SDK1: variants seen among roughly 807,000 people sequenced by gnomAD.
SDK1 encodes the protein protein sidekick-1.
SDK1 carries 157 observed loss-of-function variants against 245.5 expected under a neutral mutation model. The ratio of observed to expected loss-of-function variants is 0.64; its 90% CI spans 0.56 to 0.73. SDK1 has a LOEUF of 0.73. SDK1 is among the 30% of genes least tolerant of loss of function. The probability of loss-of-function intolerance (pLI) is 0.00; values close to 1 mark genes in which losing one functional copy is unlikely to be tolerated. For synonymous variants in SDK1, 1,647 were observed against 1,278.5 expected, an observed-to-expected ratio of 1.29 and a Z score of -6.15; for missense variants, 3,583 against 3,002.3, an observed-to-expected ratio of 1.19 and a Z score of -4.52.
chr7:3,825,318 T>TACA (rs1779743151), intron 5 of SDK1, among the ~76,000 whole-genome samples: 3 of 71,372 alleles, frequency 4.2e-5, no homozygotes, highest in Non-Finnish European at 8.8e-5. Context: ...TTTCTTCCTC[T>TACA]AAAAAAAAAA....
At chr7:3,440,460 T>C (rs907899270) in intron 1 of SDK1, among the ~76,000 whole-genome samples, 8 of 141,082 alleles carry the variant, frequency 5.7e-5, no homozygotes, top group African/African-American at 2.0e-4. Flanking sequence ...GTGTGACCAT[T>C]AGACTCAGTT....
intron 20 of SDK1, among the ~76,000 whole-genome samples, chr7:4,074,876 C>CTGTG (rs1406364305): frequency 3.2e-5 from 3 of 93,914 alleles, no homozygotes; most frequent in African/African-American, 2.1e-4. Context: ...CTCTCTCTCT[C>CTGTG]TCTCTCTCTG....
chr7:3,574,186 G>A (rs908437917), intron 1 of SDK1, among the ~76,000 whole-genome samples: 2 of 150,642 alleles, frequency 1.3e-5, no homozygotes, highest in Non-Finnish European at 3.0e-5. Context: ...GCACAATCTC[G>A]GCTCACTGCA....
rs546594423 is a variant in SDK1, at chr7:3,891,507, G to A, written c.848-59416G>A. On this transcript the variant is annotated intron_variant, in intron 5 of 44. Transcript: ENST00000404826. Reference sequence around the variant, plus strand: ...TAATCCAGCCGAAAGTGTAGTTATCGATTTGTCCCTTTTGAAGCTGTCCTG... The same window carrying A: ...TAATCCAGCCGAAAGTGTAGTTATCAATTTGTCCCTTTTGAAGCTGTCCTG... 4.6e-5 allele frequency among the ~76,000 whole-genome samples: 7 copies of A among 152,256 alleles called. No homozygotes were observed. The South Asian group carries it at 8.3e-4, about 18-fold the overall frequency.
chr7:3,592,642 C>A (rs1291200213), intron 1 of SDK1, among the ~76,000 whole-genome samples: 1 of 152,136 alleles, frequency 6.6e-6, no homozygotes, highest in African/African-American at 2.4e-5. Context: ...CTAACTGCTA[C>A]CAGACATTCG....
Position 4,241,846 on chromosome 7 carries a change from G to A in SDK1, c.6184G>A (p.Ala2062Thr), listed in dbSNP as rs1340469871. 3 of 1,614,022 alleles carry A rather than the reference G, an allele frequency of 1.9e-6. No homozygotes were observed. Among genetic ancestry groups the A allele is most frequent in the East Asian group, 4.5e-5 (2 of 44,884 alleles). Residue 2062 changes from alanine to threonine, a missense_variant, in exon 43 of 45, where the codon GCT (alanine) becomes ACT (threonine). Coordinates refer to ENST00000404826, the MANE Select transcript of SDK1 (RefSeq NM_152744.4). ...ESVTLDNGGF[A>T]ALELSSRHLN... ...TGTGACCCTGGACAACGGAGGATTT[G>A]CTGCCCTGGAGCTCAGCAGCCGCCA...
chr7:3,466,577 T>C (rs1309539594), intron 1 of SDK1, among the ~76,000 whole-genome samples: 5 of 151,038 alleles, frequency 3.3e-5, no homozygotes, highest in Non-Finnish European at 5.9e-5. Flanking sequence ...TCATCCACTC[T>C]TATCTCGATA....
chr7:4,165,430 T>C (rs1413193889), intron 32 of SDK1, among the ~76,000 whole-genome samples: 8 of 152,202 alleles, frequency 5.3e-5, no homozygotes, highest in Non-Finnish European at 1.2e-4. Context: ...CCTCCCTTAG[T>C]AGACTGTCAG....
At chr7:3,563,113 T>C (rs972388613) in intron 1 of SDK1, among the ~76,000 whole-genome samples, 2 of 151,982 alleles carry the variant, frequency 1.3e-5, no homozygotes, top group East Asian at 1.9e-4. Context: ...TGGGGAGACA[T>C]TGTGAAAATG....
intron 4 of SDK1, among the ~76,000 whole-genome samples, chr7:3,689,086 G>C (rs149447106): frequency 1.3e-5 from 2 of 152,178 alleles, no homozygotes; most frequent in Non-Finnish European, 2.9e-5. Context: ...GGTTTTTCCA[G>C]TTCTACATGT....
intron 5 of SDK1, among the ~76,000 whole-genome samples, chr7:3,889,059 G>A (rs1781398227): frequency 6.6e-6 from 1 of 152,130 alleles, no homozygotes; most frequent in African/African-American, 2.4e-5. Context: ...AATCAACCGT[G>A]GCTCTTGCTT....
At chr7:3,569,506 C>G (rs1299293091) in intron 1 of SDK1, among the ~76,000 whole-genome samples, 4 of 152,256 alleles carry the variant, frequency 2.6e-5, no homozygotes, top group Non-Finnish European at 5.9e-5. Context: ...CTCTGCACTT[C>G]ACGGCCCCTC....
chr7:3,728,362 A>G (rs933796960), intron 4 of SDK1, among the ~76,000 whole-genome samples: 6 of 152,260 alleles, frequency 3.9e-5, no homozygotes, highest in Non-Finnish European at 5.9e-5. Flanking sequence ...ATGTTTCACC[A>G]CAGACATAAT....
intron 4 of SDK1, among the ~76,000 whole-genome samples, chr7:3,686,528 C>T (rs768095431): frequency 6.6e-5 from 10 of 152,282 alleles, no homozygotes; most frequent in Non-Finnish European, 1.2e-4. Context: ...ACATACATTG[C>T]CAGTGATAAT....
chr7:4,249,119 G>A (rs1787125679), intron 44 of SDK1, among the ~76,000 whole-genome samples: 1 of 152,140 alleles, frequency 6.6e-6, no homozygotes, highest in African/African-American at 2.4e-5. Flanking sequence ...GGAGGTGAGT[G>A]TGGGGATAGG....
Position 3,615,104 on chromosome 7 carries a change from A to G in SDK1, c.299-3976A>G, listed in dbSNP as rs560604797. 5.3e-5 allele frequency among the ~76,000 whole-genome samples: 8 copies of G among 151,784 alleles called. 1 individual carries two copies. The highest frequency in any genetic ancestry group is 1.9e-4 in the East Asian group (1 of 5,182). On this transcript the variant is annotated intron_variant, in intron 1 of 44. Transcript: ENST00000404826. The stretch of plus-strand genomic sequence containing the variant: ...ACCAAATTCAGATTTTTGAGTTTCT[A>G]TCTCGAAGCTTTTCCCTTTCGAAAA...
At chr7:3,792,886 G>C (rs890544939) in intron 4 of SDK1, among the ~76,000 whole-genome samples, 1 of 152,174 alleles carries the variant, frequency 6.6e-6, no homozygotes, top group Non-Finnish European at 1.5e-5. Context: ...CCTTCCTCTA[G>C]CACTGGCGTT....
chr7:3,633,691 A>G (rs1782370267), intron 2 of SDK1, among the ~76,000 whole-genome samples: 1 of 152,176 alleles, frequency 6.6e-6, no homozygotes, highest in Non-Finnish European at 1.5e-5. Flanking sequence ...ACTTTAGAAT[A>G]TATTTCAGCC....
At chr7:3,751,045 C>A (rs1190611968) in intron 4 of SDK1, among the ~76,000 whole-genome samples, 1 of 152,180 alleles carries the variant, frequency 6.6e-6, no homozygotes, top group African/African-American at 2.4e-5. Flanking sequence ...ATCAGCAATA[C>A]CTTCGAGCTC....
Sources: gnomAD v4.1 joint callset for allele counts (sites outside exome capture counted in the v4.1 genomes callset) on GRCh38, gnomAD v4.1.1 for gene constraint, MANE v1.5 for transcripts, NCBI Gene and HGNC (gene_info 2026-07-23, HGNC 2026-07-21) for gene names.